TMEM161B: variants seen among roughly 807,000 people sequenced by gnomAD.
The protein encoded by TMEM161B is transmembrane protein 161B.
Under a neutral mutation model 61.8 loss-of-function variants are expected in TMEM161B, and 34 were observed. The ratio of observed to expected loss-of-function variants is 0.55; its 90% CI spans 0.42 to 0.73. TMEM161B has a LOEUF of 0.73. Ranked by LOEUF, TMEM161B falls within the 30% of genes least tolerant of loss-of-function variation. The probability of loss-of-function intolerance (pLI) is 0.00; values close to 1 mark genes in which losing one functional copy is unlikely to be tolerated. For missense variants in TMEM161B, 456 were observed against 558.5 expected, an observed-to-expected ratio of 0.82 and a Z score of 1.85; for synonymous variants, 167 against 192.8, an observed-to-expected ratio of 0.87 and a Z score of 1.11.
chr5:88,217,760 G>A (rs1272334921), intron 5 of TMEM161B, among the ~76,000 whole-genome samples: 1 of 152,082 alleles, frequency 6.6e-6, no homozygotes, highest in Non-Finnish European at 1.5e-5. Context: ...CTCACCATGT[G>A]CTCAAAGCTT....
intron 1 of TMEM161B, among the ~76,000 whole-genome samples, chr5:88,251,360 G>A (rs1034595616): frequency 5.3e-5 from 8 of 152,076 alleles, no homozygotes; most frequent in Non-Finnish European, 7.4e-5. Flanking sequence ...CATGACTCCT[G>A]AGCAATAAGG....
At chr5:88,246,275 T>A (rs1753606218) in intron 1 of TMEM161B, among the ~76,000 whole-genome samples, 1 of 151,348 alleles carries the variant, frequency 6.6e-6, no homozygotes, top group Non-Finnish European at 1.5e-5. Flanking sequence ...ACTAAATATG[T>A]GCTACTGAAA....
At chr5:88,261,865 A>T (rs1755736793) in intron 1 of TMEM161B, among the ~76,000 whole-genome samples, 3 of 152,234 alleles carry the variant, frequency 2.0e-5, no homozygotes, top group Middle Eastern at 6.8e-3. Context: ...ATGGCTGTGG[A>T]CAAGGCAACA....
At chr5:88,231,909 A>G (rs570465454) in intron 2 of TMEM161B, among the ~76,000 whole-genome samples, 52 of 152,334 alleles carry the variant, frequency 3.4e-4, no homozygotes, top group African/African-American at 1.2e-3. Context: ...AATATATATC[A>G]TTGATTCACT....
chr5:88,243,599 C>T (rs1753101841), intron 1 of TMEM161B, among the ~76,000 whole-genome samples: 1 of 151,708 alleles, frequency 6.6e-6, no homozygotes, highest in Admixed American at 6.6e-5. Flanking sequence ...TATAGTCCTT[C>T]GAATGTATAT....
intron 10 of TMEM161B, 108 bp from the exon 11 acceptor site, chr5:88,197,873 A>G (rs2112333149): frequency 1.1e-6 from 1 of 880,336 alleles, no homozygotes; most frequent in Non-Finnish European, 1.7e-6. Flanking sequence ...ATCCTTTCAC[A>G]AGAAGGAAGC....
intron 5 of TMEM161B, among the ~76,000 whole-genome samples, chr5:88,209,077 T>C (rs982214276): frequency 2.0e-5 from 3 of 152,244 alleles, no homozygotes; most frequent in Non-Finnish European, 4.4e-5. Context: ...TCTGGTGTTA[T>C]GTCAGTACTG....
chr5:88,189,379 T>C (rs914323111), downstream of TMEM161B, among the ~76,000 whole-genome samples: 20 of 152,152 alleles, frequency 1.3e-4, no homozygotes, highest in Admixed American at 1.2e-3. Context: ...GCTTGTCTTC[T>C]TCAGGGTCAC....
chr5:88,217,545 T>C (rs1184667115), intron 5 of TMEM161B, among the ~76,000 whole-genome samples: 2 of 143,368 alleles, frequency 1.4e-5, no homozygotes, highest in Admixed American at 7.3e-5. Flanking sequence ...GGTTACTGAA[T>C]GTGTGTGTGG....
At chr5:88,205,382 C>T (rs1032116948) in intron 8 of TMEM161B, among the ~76,000 whole-genome samples, 2 of 151,936 alleles carry the variant, frequency 1.3e-5, no homozygotes, top group Admixed American at 1.3e-4. Flanking sequence ...TTACATACAA[C>T]TTTAAGTTTT....
chr5:88,201,069 G>A (rs1379904960), intron 9 of TMEM161B: 4 of 151,814 alleles, frequency 2.6e-5, no homozygotes, highest in Non-Finnish European at 5.9e-5. Flanking sequence ...ATTAAAAACT[G>A]CCTCTAATAA....
chr5:88,220,612 C>T lies in TMEM161B; in HGVS notation c.397G>A (p.Glu133Lys), dbSNP rs1748729990. ...CACCAGACTAAGCTGATATTCATTT[C>T]CTGTGTAGGCTTCATAAAATTGTAG... is the stretch of plus-strand genomic sequence containing the variant. ...VYYNFMKPTQ[E>K]MNISLVWCLL... is the part of the protein sequence containing the mutation. The change falls in exon 5 of 12, where the codon GAA becomes AAA. Residue 133 changes from glutamate (E) to lysine (K), a missense_variant. Coordinates refer to ENST00000296595, the MANE Select transcript of TMEM161B (RefSeq NM_153354.5). The T allele has an allele frequency of 6.3e-7, 1 of 1,599,714 alleles. No individual in the cohort carries two copies.
chr5:88,249,289 T>C (rs1212217038), intron 1 of TMEM161B, among the ~76,000 whole-genome samples: 2 of 152,076 alleles, frequency 1.3e-5, no homozygotes, highest in Non-Finnish European at 2.9e-5. Context: ...ATCCAGGCCA[T>C]CATCACAAAA....
chr5:88,256,448 A>G (rs568312561), intron 1 of TMEM161B, among the ~76,000 whole-genome samples: 2 of 152,356 alleles, frequency 1.3e-5, no homozygotes, highest in Admixed American at 1.3e-4. Context: ...CTCTACAGGT[A>G]TGTATTCAAA....
In TMEM161B at chr5:88,243,290, T is replaced by C. The variant is rs533381234; in HGVS notation, c.4-2374A>G. 2.0e-4 allele frequency among the ~76,000 whole-genome samples: 30 copies of C among 151,882 alleles called. No homozygotes were observed. The South Asian group carries it at 5.8e-3, about 29-fold the overall frequency. On this transcript the variant is annotated intron_variant, in intron 1 of 11. Transcript: ENST00000296595. ...AGTGTATGTTGTTCCCTTCTTTGTG[T>C]TAATGTGTACTCAGTGTTTAGCTCT...
chr5:88,241,560 G>C (rs1752739838), intron 1 of TMEM161B, among the ~76,000 whole-genome samples: 1 of 151,806 alleles, frequency 6.6e-6, no homozygotes, highest in South Asian at 2.1e-4. Context: ...AATATGCCTG[G>C]TTTTAATCCT....
intron 4 of TMEM161B, 36 bp from the exon 5 acceptor site, chr5:88,220,755 CA>C (rs71613076): frequency 8.4e-5 from 99 of 1,174,784 alleles, no homozygotes; most frequent in Middle Eastern, 3.3e-4. Context: ...AAAAAAAGGT[CA>C]AAAAAAACAG....
chr5:88,267,647 AC>A (rs1371642060), intron 1 of TMEM161B, among the ~76,000 whole-genome samples: 1 of 151,850 alleles, frequency 6.6e-6, no homozygotes, highest in Non-Finnish European at 1.5e-5. Context: ...AGGTTAAGAA[AC>A]CCCTTGCCCC....
At chr5:88,218,160 G>A (rs1318393381) in intron 5 of TMEM161B, among the ~76,000 whole-genome samples, 1 of 152,074 alleles carries the variant, frequency 6.6e-6, no homozygotes, top group Non-Finnish European at 1.5e-5. Flanking sequence ...ATGCAAGAAA[G>A]AGGATGACAT....
Sources: gnomAD v4.1 joint callset for allele counts (sites outside exome capture counted in the v4.1 genomes callset) on GRCh38, gnomAD v4.1.1 for gene constraint, MANE v1.5 for transcripts, NCBI Gene and HGNC (gene_info 2026-07-23, HGNC 2026-07-21) for gene names.